RNF144B: variants seen among roughly 807,000 people sequenced by gnomAD.
The protein encoded by RNF144B is E3 ubiquitin-protein ligase RNF144B.
A neutral mutation model predicts 40.2 loss-of-function variants in RNF144B; 25 were observed. The ratio of observed to expected loss-of-function variants is 0.62; its 90% confidence interval spans 0.45 to 0.87. RNF144B has a LOEUF of 0.87. Ranked by LOEUF, RNF144B falls within the 40% of genes least tolerant of loss-of-function variation. The probability of loss-of-function intolerance (pLI) is 0.00; values close to 1 mark genes in which losing one functional copy is unlikely to be tolerated. For synonymous variants in RNF144B, 145 were observed against 136.3 expected, an observed-to-expected ratio of 1.06 and a Z score of -0.44; for missense variants, 365 against 373.7, an observed-to-expected ratio of 0.98 and a Z score of 0.19.
intron 4 of RNF144B, among the ~76,000 whole-genome samples, chr6:18,452,650 A>T (rs12528205): frequency 0.13 from 19,431 of 151,822 alleles, 1,400 homozygotes; most frequent in Admixed American, 0.2. Flanking sequence ...GACCTTTTTT[A>T]AAAAAAAATT....
Position 18,416,947 on chromosome 6 carries a change from A to G in RNF144B, c.166-10634A>G, listed in dbSNP as rs1795157920. ...AATATAAGATCAATGTACAGAATCA[A>G]TTGTATTTCCATATACTAGTAAGAA... On this transcript the variant is annotated intron_variant, in intron 2 of 7. Transcript: ENST00000259939. This position sits in a 1 kb window ranked among gnomAD's most constrained non-coding sequence, Gnocchi z 5.5. Among the ~76,000 whole-genome samples the G allele has an allele frequency of 6.6e-6, 1 of 152,220 alleles. No homozygotes were observed. Among genetic ancestry groups the G allele is most frequent in the South Asian group, 2.1e-4 (1 of 4,836 alleles).
At chr6:18,401,549 T>G (rs2113464168) in intron 2 of RNF144B, among the ~76,000 whole-genome samples, 1 of 152,346 alleles carries the variant, frequency 6.6e-6, no homozygotes, top group East Asian at 1.9e-4. Context: ...TATGATTACA[T>G]TAGTGTCTGT....
In RNF144B at chr6:18,411,486, TATATATATATA is replaced by T. The variant is rs375984473; in HGVS notation, c.165+11788_165+11798del. ...TCATATATATATATATATATATATA[TATATATATATA>T]TTTTTTTTTTTTTTTTTTTTTTTTG... On this transcript the variant is annotated intron_variant, in intron 2 of 7. Transcript: ENST00000259939. 3.3e-3 allele frequency among the ~76,000 whole-genome samples: 121 copies of T among 36,910 alleles called. 3 individuals carry two copies. In the South Asian group the frequency reaches 0.037, roughly 11 times the overall value. The allele number at this position is 36,910 out of a possible 152,430, so 24.2% of individuals were successfully genotyped here.
chr6:18,412,336 G>C lies in RNF144B; in HGVS notation c.165+12637G>C, dbSNP rs1795064774. 6.6e-6 allele frequency among the ~76,000 whole-genome samples: 1 copy of C among 152,100 alleles called. No homozygotes were observed. The highest frequency in any genetic ancestry group is 2.4e-5 in the African/African-American group (1 of 41,410). On this transcript the variant is annotated intron_variant, in intron 2 of 7. Transcript: ENST00000259939. This position sits in a 1 kb window ranked among gnomAD's most constrained non-coding sequence, Gnocchi z 4.2. ...TTTAATCCATACTTCCTCTTTTTAG[G>C]AGGAAGCAAATTGTTGTAAGAGAAG...
rs540709630 is a variant in RNF144B, at chr6:18,467,988, G to A, written c.*2921G>A. The A allele has an allele frequency of 3.3e-5, 5 of 152,222 alleles. No individual in the cohort carries two copies. The highest frequency in any genetic ancestry group is 1.2e-4 in the African/African-American group (5 of 41,522). 9.4% of individuals were successfully genotyped at this position (152,222 alleles called of 1,614,324 possible). On this transcript the variant is annotated 3_prime_UTR_variant, in exon 8 of 8. Coordinates refer to ENST00000259939, the MANE Select transcript of RNF144B (RefSeq NM_182757.4). ...TTTGATAACAGAGGCTGCTATTTTTGTTTTAGATAATTGGCCAGTGACAGA... is the reference window on the plus strand; with the variant it reads ...TTTGATAACAGAGGCTGCTATTTTTATTTTAGATAATTGGCCAGTGACAGA...
chr6:18,397,406 T>A (rs1454306838), intron 1 of RNF144B, among the ~76,000 whole-genome samples: 1 of 152,204 alleles, frequency 6.6e-6, no homozygotes, highest in African/African-American at 2.4e-5. Context: ...CAGAATTTAT[T>A]AGAATTGGCC....
chr6:18,409,517 T>C (rs1240567527), intron 2 of RNF144B, among the ~76,000 whole-genome samples: 2 of 151,078 alleles, frequency 1.3e-5, no homozygotes, highest in Non-Finnish European at 2.9e-5. Flanking sequence ...CCCCACCCTC[T>C]TGGGTTGACA....
In RNF144B at chr6:18,447,061, G is replaced by A. The variant is rs190096717; in HGVS notation, c.331+7317G>A. Among the ~76,000 whole-genome samples the A allele has an allele frequency of 6.5e-4, 99 of 152,208 alleles. No homozygotes were observed. The highest frequency in any genetic ancestry group is 2.4e-3 in the African/African-American group (99 of 41,530). ...ATCCTGTGTATGTGCATGTGTGTATGTGGGAGGTTAGATAATAAATAAATA... is the reference window on the plus strand; with the variant it reads ...ATCCTGTGTATGTGCATGTGTGTATATGGGAGGTTAGATAATAAATAAATA... On this transcript the variant is annotated intron_variant, in intron 4 of 7. Coordinates refer to ENST00000259939, the MANE Select transcript of RNF144B (RefSeq NM_182757.4). This position sits in a 1 kb window ranked among gnomAD's most constrained non-coding sequence, Gnocchi z 5.6.
intron 6 of RNF144B, among the ~76,000 whole-genome samples, chr6:18,462,392 T>C (rs1759474630): frequency 2.0e-5 from 3 of 152,210 alleles, no homozygotes; most frequent in Admixed American, 1.3e-4. Context: ...ACCACCTCTG[T>C]TGGTTTCTCT....
At chr6:18,433,360 A>G (rs4716249) in intron 3 of RNF144B, among the ~76,000 whole-genome samples, 19,421 of 152,230 alleles carry the variant, frequency 0.13, 1,395 homozygotes, top group Admixed American at 0.19. Flanking sequence ...GAGTTAATAG[A>G]TATTTTTGAG....
At position 18,427,626 on chromosome 6, in the gene RNF144B, T is replaced by C. The variant is rs1307334477; in HGVS notation, c.211T>C (p.Ser71Pro). The C allele has an allele frequency of 6.2e-7, 1 of 1,613,716 alleles. No homozygotes were observed. Among genetic ancestry groups the C allele is most frequent in the Non-Finnish European group, 8.5e-7 (1 of 1,179,790 alleles). ...GCTGGCAATCCGAGAAGGATGTGGG[T>C]CTCCCATCACTTGCCCTGACATGGT... ...MQLAIREGCG[S>P]PITCPDMVCL... Residue 71 changes from serine to proline, a missense_variant, in exon 3 of 8, where the codon TCT becomes CCT. By Grantham distance (74) the Ser-to-Pro change is moderately conservative. Coordinates refer to ENST00000259939, the MANE Select transcript of RNF144B (RefSeq NM_182757.4).
At position 18,434,309 on chromosome 6, in the gene RNF144B, T is replaced by C. The variant is rs1338465775; in HGVS notation, c.271-5375T>C. Among the ~76,000 whole-genome samples, 1 of 152,214 alleles carries C rather than the reference T, an allele frequency of 6.6e-6. No homozygotes were observed. The highest frequency in any genetic ancestry group is 1.5e-5 in the Non-Finnish European group (1 of 68,034). ...CACACACCACTTTTGGCATAAATAC[T>C]TTTGTGGTGAGCAGGCTTCACTTTC... On this transcript the variant is annotated intron_variant, in intron 3 of 7. Transcript: ENST00000259939. This position sits in a 1 kb window ranked among gnomAD's most constrained non-coding sequence, Gnocchi z 4.1.
intron 1 of RNF144B, among the ~76,000 whole-genome samples, chr6:18,394,622 A>G (rs1195063412): frequency 6.6e-6 from 1 of 152,052 alleles, no homozygotes; most frequent in Non-Finnish European, 1.5e-5. Context: ...AGAAAAAAAA[A>G]AAAAAGCTTT....
At chr6:18,403,648 A>G (rs1274732819) in intron 2 of RNF144B, among the ~76,000 whole-genome samples, 2 of 152,178 alleles carry the variant, frequency 1.3e-5, no homozygotes, top group Non-Finnish European at 2.9e-5. Context: ...CCTTTAAGAA[A>G]AGCCCACAGT....
intron 1 of RNF144B, among the ~76,000 whole-genome samples, chr6:18,392,578 T>G (rs1562037831): frequency 6.6e-6 from 1 of 152,142 alleles, no homozygotes; most frequent in Non-Finnish European, 1.5e-5. Flanking sequence ...TCCTAGAAAC[T>G]GTTGAAATGA....
intron 3 of RNF144B, among the ~76,000 whole-genome samples, chr6:18,435,153 G>C (rs577256834): frequency 6.6e-6 from 1 of 152,140 alleles, no homozygotes; most frequent in African/African-American, 2.4e-5. Flanking sequence ...GTTGTCTTTT[G>C]TGCTTGGATA....
Position 18,399,708 on chromosome 6 carries a change from T to G in RNF144B, c.165+9T>G. ...GCATCTTTTGCACAGCTGTGAGTTT[T>G]CCTTGATGCTTTCACTATGAGAAAA... On this transcript the variant is annotated intron_variant, in intron 2 of 7. Transcript: ENST00000259939. 1 of 1,602,412 alleles carries G rather than the reference T, an allele frequency of 6.2e-7. No homozygotes were observed. Among genetic ancestry groups the G allele is most frequent in the Non-Finnish European group, 8.5e-7 (1 of 1,170,548 alleles).
At position 18,468,561 on chromosome 6, in the gene RNF144B, A is replaced by G. The variant is rs760008827; in HGVS notation, c.*3494A>G. 5 of 152,052 alleles carry G rather than the reference A, an allele frequency of 3.3e-5. No homozygotes were observed. Among genetic ancestry groups the G allele is most frequent in the Non-Finnish European group, 7.4e-5 (5 of 68,010 alleles). The allele number at this position is 152,052 out of a possible 1,614,324, so 9.4% of individuals were successfully genotyped here. On this transcript the variant is annotated 3_prime_UTR_variant, in exon 8 of 8. Transcript: ENST00000259939. ...TTAAAAATTATTCTGAATTAAATGT[A>G]TATTTCTTTAGCCTTCCCTACACAG...
In RNF144B at chr6:18,391,497, C is replaced by T. The variant is rs183447562; in HGVS notation, c.-37+3867C>T. On this transcript the variant is annotated intron_variant, in intron 1 of 7. Coordinates refer to ENST00000259939, the MANE Select transcript of RNF144B (RefSeq NM_182757.4). ...TGATAAGTTTATATTGTTTGGAAAA[C>T]TGGGAATGGATTTCTACCTCTTGGG... is the stretch of plus-strand genomic sequence containing the variant. Among the ~76,000 whole-genome samples the T allele has an allele frequency of 2.4e-3, 360 of 152,216 alleles. 4 individuals carry two copies. Among genetic ancestry groups the T allele is most frequent in the African/African-American group, 8.3e-3 (344 of 41,524 alleles).
Sources: gnomAD v4.1 joint callset for allele counts (sites outside exome capture counted in the v4.1 genomes callset) on GRCh38, gnomAD v4.1.1 for gene constraint, Gnocchi (gnomAD v3.1) non-coding constraint, MANE v1.5 for transcripts, NCBI Gene and HGNC (gene_info 2026-07-23, HGNC 2026-07-21) for gene names.